Variants in BRINP3 observed in about 807,000 individuals in gnomAD.
BRINP3 encodes the protein BMP/retinoic acid-inducible neural-specific protein 3.
A neutral mutation model predicts 71.0 loss-of-function variants in BRINP3; 19 were observed. That is an observed-to-expected ratio of 0.27 (90% CI 0.19 to 0.39). BRINP3 has a LOEUF of 0.39. Among genes scored for constraint, BRINP3 ranks in the 10% least tolerant of loss-of-function variants. BRINP3 has a pLI of 1.00. For missense variants in BRINP3, 959 were observed against 940.8 expected (o/e 1.02, Z -0.25); for synonymous variants, 380 against 337.7 (o/e 1.13, Z -1.37).
At chr1:190,108,353 T>A (rs1000357525) in intron 7 of BRINP3, among the ~76,000 whole-genome samples, 1 of 151,934 alleles carries the variant, frequency 6.6e-6, no homozygotes, top group Non-Finnish European at 1.5e-5. Context: ...TGTGTGTGTG[T>A]GTGTGCGCAC....
intron 6 of BRINP3, 47 bp downstream of exon 6, chr1:190,226,035 A>AT (rs750588100): frequency 2.1e-5 from 26 of 1,228,042 alleles, no homozygotes; most frequent in African/African-American, 4.7e-5. Context: ...ATTTCAATAT[A>AT]TTTTTTGTCA....
intron 4 of BRINP3, among the ~76,000 whole-genome samples, chr1:190,248,135 C>T (rs939975444): frequency 1.3e-5 from 2 of 151,726 alleles, no homozygotes; most frequent in Non-Finnish European, 2.9e-5. Flanking sequence ...TATTTTTAAT[C>T]CATAATTTTA....
intron 2 of BRINP3, among the ~76,000 whole-genome samples, chr1:190,328,971 G>A (rs559880799): frequency 2.6e-5 from 4 of 152,020 alleles, no homozygotes; most frequent in South Asian, 2.1e-4. Context: ...ATAATCCAAC[G>A]TTGCTTCATG....
At chr1:190,455,090 T>A (rs1675898645) in intron 1 of BRINP3, 150 bp from the exon 2 acceptor site, 1 of 496,314 alleles carries the variant, frequency 2.0e-6, no homozygotes, top group South Asian at 3.7e-5. Context: ...CCAAAATTAT[T>A]TTTTTAGAGC....
intron 2 of BRINP3, among the ~76,000 whole-genome samples, chr1:190,343,174 C>A (rs1436929774): frequency 6.6e-6 from 1 of 151,448 alleles, no homozygotes; most frequent in Non-Finnish European, 1.5e-5. Context: ...GAAGAACCAC[C>A]CAGGGTTAGA....
chr1:190,412,588 A>C (rs984988449), intron 2 of BRINP3, among the ~76,000 whole-genome samples: 17 of 146,378 alleles, frequency 1.2e-4, no homozygotes, highest in African/African-American at 4.3e-4. Flanking sequence ...TCAGCCTCCC[A>C]AGTAGCTGGG....
chr1:190,467,460 T>C (rs1558312837), intron 1 of BRINP3, among the ~76,000 whole-genome samples: 1 of 151,478 alleles, frequency 6.6e-6, no homozygotes, highest in African/African-American at 2.4e-5. Flanking sequence ...ATTGCCTCCT[T>C]AACTGCCATC....
intron 3 of BRINP3, among the ~76,000 whole-genome samples, chr1:190,273,487 C>A (rs1468122315): frequency 6.6e-6 from 1 of 151,470 alleles, no homozygotes; most frequent in Non-Finnish European, 1.5e-5. Context: ...TCTTGTGCAA[C>A]TAAAATTTTG....
chr1:190,207,928 G>A lies in BRINP3; in HGVS notation c.961+18154C>T, dbSNP rs554468439. ...TTGTATAGAGTTGAACTCGCTCTAGGTAAAATGTGTAATACATATTGTGTA... is the reference window on the plus strand; with the variant it reads ...TTGTATAGAGTTGAACTCGCTCTAGATAAAATGTGTAATACATATTGTGTA... On this transcript the variant is annotated intron_variant, in intron 6 of 7. Coordinates refer to ENST00000367462, the MANE Select transcript of BRINP3 (RefSeq NM_199051.3). Among the ~76,000 whole-genome samples, 152 of 152,078 alleles carry A rather than the reference G, an allele frequency of 1.0e-3. 3 individuals carry two copies. Among genetic ancestry groups the A allele is most frequent in the African/African-American group, 3.5e-3 (146 of 41,534 alleles).
At chr1:190,473,362 T>C (rs1677270796) in intron 1 of BRINP3, among the ~76,000 whole-genome samples, 1 of 151,968 alleles carries the variant, frequency 6.6e-6, no homozygotes. Flanking sequence ...TTCTTATTTC[T>C]TCCAGGTTTT....
intron 2 of BRINP3, among the ~76,000 whole-genome samples, chr1:190,385,975 G>T (rs1475359700): frequency 6.8e-6 from 1 of 146,358 alleles, no homozygotes; most frequent in Non-Finnish European, 1.5e-5. Context: ...GTAAACTATC[G>T]CAAGAACAAA....
chr1:190,112,336 G>C (rs191209747), intron 7 of BRINP3, among the ~76,000 whole-genome samples: 6 of 152,278 alleles, frequency 3.9e-5, no homozygotes, highest in Admixed American at 2.0e-4. Context: ...TTAATGTTGA[G>C]AGTATATGCT....
intron 3 of BRINP3, among the ~76,000 whole-genome samples, chr1:190,265,622 A>G (rs950615273): frequency 1.1e-4 from 16 of 150,890 alleles, no homozygotes; most frequent in African/African-American, 3.4e-4. Context: ...GCTGTGGCAG[A>G]AGAATGGCGT....
intron 2 of BRINP3, among the ~76,000 whole-genome samples, chr1:190,418,720 T>C (rs1673165976): frequency 6.6e-6 from 1 of 152,096 alleles, no homozygotes. Context: ...GGTTACAGAA[T>C]CCTGTGTATA....
chr1:190,420,224 A>T (rs1673283514), intron 2 of BRINP3, among the ~76,000 whole-genome samples: 1 of 151,964 alleles, frequency 6.6e-6, no homozygotes, highest in Non-Finnish European at 1.5e-5. Flanking sequence ...GGCCACAATT[A>T]AGTTTTCAAT....
chr1:190,467,393 G>A (rs1036220489), intron 1 of BRINP3, among the ~76,000 whole-genome samples: 6 of 151,452 alleles, frequency 4.0e-5, no homozygotes, highest in Admixed American at 1.3e-4. Flanking sequence ...AGAAGTGATC[G>A]ACAACAAGCA....
At chr1:190,400,814 T>C (rs1380484526) in intron 2 of BRINP3, among the ~76,000 whole-genome samples, 1 of 152,224 alleles carries the variant, frequency 6.6e-6, no homozygotes, top group African/African-American at 2.4e-5. Context: ...CTTAATTCCC[T>C]TGTGGTGACA....
At chr1:190,294,688 A>G (rs1664120173) in intron 2 of BRINP3, among the ~76,000 whole-genome samples, 1 of 152,088 alleles carries the variant, frequency 6.6e-6, no homozygotes, top group South Asian at 2.1e-4. Flanking sequence ...GCATGCATCA[A>G]TAACTAGGCA....
intron 2 of BRINP3, among the ~76,000 whole-genome samples, chr1:190,423,219 T>C (rs1673493566): frequency 6.6e-6 from 1 of 150,476 alleles, no homozygotes; most frequent in African/African-American, 2.4e-5. Flanking sequence ...AAGGGCCCTA[T>C]GACTCCTATG....
Sources: gnomAD v4.1 joint callset for allele counts (sites outside exome capture counted in the v4.1 genomes callset) on GRCh38, gnomAD v4.1.1 for gene constraint, MANE v1.5 for transcripts, NCBI Gene and HGNC (gene_info 2026-07-23, HGNC 2026-07-21) for gene names.